MPHOSPH9: variants seen among roughly 807,000 people sequenced by gnomAD.
MPHOSPH9 encodes M-phase phosphoprotein 9.
MPHOSPH9 carries 88 observed loss-of-function variants against 145.5 expected under a neutral mutation model. That is an observed-to-expected ratio of 0.60 (90% CI 0.51 to 0.72). The LOEUF (loss-of-function observed/expected upper bound fraction) is 0.72. MPHOSPH9 is among the 30% of genes least tolerant of loss of function. MPHOSPH9 has a pLI of 0.00. For synonymous variants in MPHOSPH9, 435 were observed against 486.2 expected, an observed-to-expected ratio of 0.89 and a Z score of 1.39; for missense variants, 1,238 against 1,386.6, an observed-to-expected ratio of 0.89 and a Z score of 1.70.
intron 16 of MPHOSPH9, among the ~76,000 whole-genome samples, chr12:123,174,189 G>A (rs1565909288): frequency 6.6e-6 from 1 of 152,134 alleles, no homozygotes; most frequent in Non-Finnish European, 1.5e-5. Flanking sequence ...GTTGGGTTTT[G>A]CACTCAATAC....
At chr12:123,186,853 C>T (rs1388873103) in intron 13 of MPHOSPH9, among the ~76,000 whole-genome samples, 1 of 152,118 alleles carries the variant, frequency 6.6e-6, no homozygotes, top group Non-Finnish European at 1.5e-5. Context: ...CCCAGCTACT[C>T]AGGAGGCTGA....
At chr12:123,158,466 G>A (rs2043962608) in intron 23 of MPHOSPH9, among the ~76,000 whole-genome samples, 1 of 152,178 alleles carries the variant, frequency 6.6e-6, no homozygotes, top group African/African-American at 2.4e-5. Flanking sequence ...TTAGCCAGGT[G>A]TGGTGGTGCA....
At chr12:123,190,319 A>ATTT (rs2045624607) in intron 13 of MPHOSPH9, among the ~76,000 whole-genome samples, 1 of 151,720 alleles carries the variant, frequency 6.6e-6, no homozygotes, top group African/African-American at 2.4e-5. Flanking sequence ...CGCCCAACTA[A>ATTT]TTTTTTGTAT....
intron 1 of MPHOSPH9, 50 bp from the exon 2 acceptor site, chr12:123,230,572 T>C: frequency 7.5e-6 from 3 of 401,328 alleles, no homozygotes; most frequent in Non-Finnish European, 8.9e-6. Flanking sequence ...CCACCAAAGC[T>C]AGCAACTGTT....
chr12:123,211,927 T>C (rs1248331532), intron 7 of MPHOSPH9, among the ~76,000 whole-genome samples: 2 of 152,040 alleles, frequency 1.3e-5, no homozygotes, highest in Non-Finnish European at 2.9e-5. Context: ...CCTCCTGGGG[T>C]CAGGTGATCT....
chr12:123,169,265 G>A (rs2044469359), intron 16 of MPHOSPH9, among the ~76,000 whole-genome samples: 11 of 151,420 alleles, frequency 7.3e-5, no homozygotes, highest in African/African-American at 2.4e-5. Context: ...AGAGGCCAAG[G>A]CGGGCAGATA....
chr12:123,175,399 C>T (rs1474793188), intron 16 of MPHOSPH9, among the ~76,000 whole-genome samples: 6 of 152,106 alleles, frequency 3.9e-5, no homozygotes, highest in Non-Finnish European at 8.8e-5. Flanking sequence ...GTGATCCGCC[C>T]GCCTCGGCCT....
chr12:123,196,567 G>A (rs1425641308), intron 12 of MPHOSPH9, among the ~76,000 whole-genome samples: 1 of 152,046 alleles, frequency 6.6e-6, no homozygotes, highest in African/African-American at 2.4e-5. Flanking sequence ...AAAGGTCTTT[G>A]TTCAGAAAGA....
intron 4 of MPHOSPH9, 50 bp from the exon 5 acceptor site, chr12:123,221,945 T>C: frequency 1.1e-6 from 1 of 936,650 alleles, no homozygotes; most frequent in Non-Finnish European, 1.6e-6. Context: ...TTAAACATCA[T>C]ATTTTTATGA....
intron 16 of MPHOSPH9, among the ~76,000 whole-genome samples, chr12:123,172,564 C>T (rs1476162445): frequency 1.3e-5 from 2 of 152,178 alleles, no homozygotes; most frequent in East Asian, 3.9e-4. Flanking sequence ...AACTCCTGAC[C>T]TCAGGTGATC....
intron 1 of MPHOSPH9, among the ~76,000 whole-genome samples, chr12:123,231,216 A>T (rs2047621009): frequency 6.6e-6 from 1 of 152,160 alleles, no homozygotes; most frequent in Non-Finnish European, 1.5e-5. Flanking sequence ...TCCTGGCCTC[A>T]AGTGCTCAGC....
At chr12:123,162,924 A>G in intron 20 of MPHOSPH9, 90 bp downstream of exon 20, 2 of 1,293,546 alleles carry the variant, frequency 1.5e-6, no homozygotes, top group African/African-American at 3.1e-5. Flanking sequence ...CTGGTAACTG[A>G]AAAATTAGTG....
intron 13 of MPHOSPH9, among the ~76,000 whole-genome samples, chr12:123,189,854 C>T (rs1240875881): frequency 2.6e-5 from 4 of 151,284 alleles, no homozygotes; most frequent in African/African-American, 9.7e-5. Flanking sequence ...GAGAATGGCA[C>T]AAACCCGGGA....
intron 1 of MPHOSPH9, among the ~76,000 whole-genome samples, chr12:123,238,687 G>C (rs2047887823): frequency 6.6e-6 from 1 of 152,134 alleles, no homozygotes; most frequent in South Asian, 2.1e-4. Context: ...CTGTGTTCTG[G>C]AACAATGCTT....
At chr12:123,209,149 T>C (rs1046781717) in intron 8 of MPHOSPH9, among the ~76,000 whole-genome samples, 1 of 152,066 alleles carries the variant, frequency 6.6e-6, no homozygotes, top group African/African-American at 2.4e-5. Flanking sequence ...GCCAGGCTGG[T>C]CTTGAACTCC....
chr12:123,172,498 A>G (rs1227064536), intron 16 of MPHOSPH9, among the ~76,000 whole-genome samples: 2 of 151,874 alleles, frequency 1.3e-5, no homozygotes, highest in African/African-American at 2.4e-5. Context: ...ATACCCAGCT[A>G]ATTTTTGTAT....
At chr12:123,234,815 T>A (rs1019719029), upstream of MPHOSPH9, among the ~76,000 whole-genome samples, 3 of 152,232 alleles carry the variant, frequency 2.0e-5, no homozygotes, top group Non-Finnish European at 4.4e-5. Context: ...GATGGTTTTA[T>A]CTTTCAGTGT....
intron 8 of MPHOSPH9, among the ~76,000 whole-genome samples, chr12:123,208,120 AG>A (rs2046524437): frequency 6.9e-6 from 1 of 145,798 alleles, no homozygotes; most frequent in South Asian, 2.2e-4. Context: ...CAGGAGGCTG[AG>A]GCAGGAGAAT....
chr12:123,198,062 C>T (rs1235507093), intron 12 of MPHOSPH9, among the ~76,000 whole-genome samples, 185 bp downstream of exon 12: 6 of 142,784 alleles, frequency 4.2e-5, no homozygotes, highest in Admixed American at 3.6e-4. Flanking sequence ...CCAGCCTGGG[C>T]AACAGAGCGA....
Sources: allele counts gnomAD v4.1 joint callset (sites outside exome capture counted in the v4.1 genomes callset), GRCh38; gene constraint gnomAD v4.1.1; transcripts MANE v1.5; gene names NCBI Gene and HGNC (gene_info 2026-07-23, HGNC 2026-07-21).